The following CDH4 variants were observed in gnomAD, a reference collection of about 807,000 sequenced individuals.
CDH4 encodes cadherin 4.
In CDH4, 33 loss-of-function variants were observed where a neutral mutation model predicts 86.0. That is an observed-to-expected ratio of 0.38 (90% CI 0.29 to 0.51). The LOEUF is 0.51. Ranked by LOEUF, CDH4 falls within the 20% of genes least tolerant of loss-of-function variation. The pLI is 0.86. For synonymous variants in CDH4, 555 were observed against 549.4 expected (o/e 1.01, Z -0.14); for missense variants, 1,114 against 1,307.4 (o/e 0.85, Z 2.28).
At chr20:61,285,168 C>T (rs1228873747) in intron 2 of CDH4, among the ~76,000 whole-genome samples, 1 of 152,194 alleles carries the variant, frequency 6.6e-6, no homozygotes, top group Non-Finnish European at 1.5e-5. Flanking sequence ...GCCTCTTTGG[C>T]CCTCCTAGTG....
chr20:61,479,636 C>G (rs1424333970), intron 2 of CDH4, among the ~76,000 whole-genome samples: 4 of 152,176 alleles, frequency 2.6e-5, no homozygotes, highest in Admixed American at 2.6e-4. Flanking sequence ...AAAAGCTGAT[C>G]ACTGGTTTTA....
intron 3 of CDH4, among the ~76,000 whole-genome samples, chr20:61,769,180 G>A (rs2088742654): frequency 6.6e-6 from 1 of 152,202 alleles, no homozygotes; most frequent in Non-Finnish European, 1.5e-5. Context: ...CTTCTCCAGA[G>A]GTGGATCCCC....
rs374607185 is a variant in CDH4, at chr20:61,732,712, C to T, written c.170-10851C>T. 4.5e-4 allele frequency among the ~76,000 whole-genome samples: 69 copies of T among 152,344 alleles called. 3 individuals are homozygous for T. The highest frequency in any genetic ancestry group is 1.5e-3 in the African/African-American group (64 of 41,586). On this transcript the variant is annotated intron_variant, in intron 2 of 15. Transcript: ENST00000614565. ...CATGGTCCCCCACTAGACAGCTTCCCGGGGGAGGACCTCGGTGTGCACCGC... is the reference window on the plus strand; with the variant it reads ...CATGGTCCCCCACTAGACAGCTTCCTGGGGGAGGACCTCGGTGTGCACCGC...
At chr20:61,466,623 G>T (rs2427120) in intron 2 of CDH4, among the ~76,000 whole-genome samples, 1 of 151,922 alleles carries the variant, frequency 6.6e-6, no homozygotes, top group South Asian at 2.1e-4. Flanking sequence ...GTGGGTGAAT[G>T]ACTTGAGGCC....
At chr20:61,726,046 G>A (rs2088107026) in intron 2 of CDH4, among the ~76,000 whole-genome samples, 1 of 152,082 alleles carries the variant, frequency 6.6e-6, no homozygotes, top group Non-Finnish European at 1.5e-5. Context: ...TGTGATGGGA[G>A]CTTTCAGAGA....
intron 2 of CDH4, among the ~76,000 whole-genome samples, chr20:61,647,625 T>C (rs532944286): frequency 1.1e-4 from 16 of 145,016 alleles, no homozygotes; most frequent in African/African-American, 1.0e-4. Context: ...TTTAGGTACA[T>C]GGGTGGGGAA....
chr20:61,478,238 A>G (rs1249625239), intron 2 of CDH4, among the ~76,000 whole-genome samples: 1 of 152,086 alleles, frequency 6.6e-6, no homozygotes, highest in Non-Finnish European at 1.5e-5. Context: ...CAGGAAGAGG[A>G]GGTGCTAGGA....
chr20:61,733,694 G>GAAGAAAGAAAGAATGAAAGA (rs1163287870), intron 2 of CDH4, among the ~76,000 whole-genome samples: 3 of 151,418 alleles, frequency 2.0e-5, no homozygotes, highest in African/African-American at 7.3e-5. Flanking sequence ...AGAAAGGAAA[G>GAAGAAAGAAAGAATGAAAGA]AAGAAAGAAA....
chr20:61,849,610 G>GA (rs1982622487), intron 5 of CDH4, among the ~76,000 whole-genome samples: 1 of 152,110 alleles, frequency 6.6e-6, no homozygotes, highest in African/African-American at 2.4e-5. Context: ...CTGGGGCTGT[G>GA]GCAGGTCTGG....
Position 61,855,909 on chromosome 20 carries a change from CTG to C in CDH4, c.877+3013_877+3014del, listed in dbSNP as rs545045199. Among the ~76,000 whole-genome samples, 270 of 152,330 alleles carry C rather than the reference CTG, an allele frequency of 1.8e-3. 1 individual carries two copies. Among genetic ancestry groups the C allele is most frequent in the African/African-American group, 6.3e-3 (262 of 41,578 alleles). ...TCAGAGCCCCTGGGGGATCGGGAGT[CTG>C]TCTCTGGTCCCACAACAAGCTGTCT... is the stretch of plus-strand genomic sequence containing the variant. On this transcript the variant is annotated intron_variant, in intron 6 of 15. Coordinates refer to ENST00000614565, the MANE Select transcript of CDH4 (RefSeq NM_001794.5).
chr20:61,927,084 G>A (rs192264339), intron 11 of CDH4, among the ~76,000 whole-genome samples: 11 of 152,290 alleles, frequency 7.2e-5, no homozygotes, highest in Non-Finnish European at 2.9e-5. Flanking sequence ...GCCGCGCTGC[G>A]TCACCTTAAA....
chr20:61,812,947 G>T (rs932139127), intron 4 of CDH4, among the ~76,000 whole-genome samples: 9 of 152,178 alleles, frequency 5.9e-5, no homozygotes, highest in Non-Finnish European at 7.3e-5. Flanking sequence ...ACCAAATGGG[G>T]ACTCTGTGGG....
chr20:61,264,514 G>A (rs6015937), intron 2 of CDH4, among the ~76,000 whole-genome samples: 116,175 of 135,508 alleles, frequency 0.86, 49,515 homozygotes, highest in South Asian at 0.87. Context: ...TCCTTCATTC[G>A]GTCCTACACA....
chr20:61,318,192 C>T (rs543355107), intron 2 of CDH4, among the ~76,000 whole-genome samples: 7 of 152,150 alleles, frequency 4.6e-5, no homozygotes, highest in Non-Finnish European at 1.0e-4. Context: ...GTTAAACTGC[C>T]CGGCTCCTGT....
intron 2 of CDH4, among the ~76,000 whole-genome samples, chr20:61,396,472 C>T (rs545975119): frequency 1.3e-5 from 2 of 152,304 alleles, no homozygotes; most frequent in Non-Finnish European, 2.9e-5. Flanking sequence ...TTGCGTTCTG[C>T]GCATAGACCA....
In CDH4 at chr20:61,743,686, T is replaced by C. The variant is rs1396634435; in HGVS notation, c.293T>C (p.Val98Ala). The change falls in exon 3 of 16, where the codon GTG becomes GCG. Residue 98 changes from valine (V) to alanine (A), a missense_variant. Val to Ala is a moderately conservative substitution (Grantham distance 64). Around this residue, in one of 3 missense-constraint regions of CDH4, gnomAD observed 221 missense variants for 209.5 expected, o/e 1.05. Coordinates refer to ENST00000614565, the MANE Select transcript of CDH4 (RefSeq NM_001794.5). ...TRELQVPSEQ[V>A]AFTVTAWDSQ... ...GAGCTGCAGGTCCCCTCCGAGCAGG[T>C]GGCGTTCACGGTGACTGCATGGGAC... is the stretch of plus-strand genomic sequence containing the variant. The C allele has an allele frequency of 1.2e-6, 2 of 1,607,506 alleles. No homozygotes were observed. The highest frequency in any genetic ancestry group is 1.1e-5 in the South Asian group (1 of 89,568).
At position 61,522,752 on chromosome 20, in the gene CDH4, C is replaced by T. The variant is rs548206848; in HGVS notation, c.170-220811C>T. On this transcript the variant is annotated intron_variant, in intron 2 of 15. Transcript: ENST00000614565. Reference sequence around the variant, plus strand: ...AATGGCCGCGGGCTGTTGTCTTCCGCGGAAAGTTTAATTGACGGCCCGGTG... The same window carrying T: ...AATGGCCGCGGGCTGTTGTCTTCCGTGGAAAGTTTAATTGACGGCCCGGTG... Among the ~76,000 whole-genome samples, 702 of 148,550 alleles carry T rather than the reference C, an allele frequency of 4.7e-3. 3 individuals are homozygous for T. The highest frequency in any genetic ancestry group is 0.014 in the Middle Eastern group (4 of 280).
intron 3 of CDH4, among the ~76,000 whole-genome samples, chr20:61,757,930 G>A (rs958288851): frequency 2.6e-5 from 4 of 152,160 alleles, no homozygotes; most frequent in Non-Finnish European, 5.9e-5. Context: ...CACTGTCTTT[G>A]TTCACTCCAG....
chr20:61,529,102 T>C (rs896535705), intron 2 of CDH4, among the ~76,000 whole-genome samples: 8 of 152,248 alleles, frequency 5.3e-5, no homozygotes, highest in Admixed American at 1.3e-4. Flanking sequence ...ACCATTTTCA[T>C]GGTGAGACAT....
Sources: allele counts gnomAD v4.1 joint callset (sites outside exome capture counted in the v4.1 genomes callset), GRCh38; gene constraint gnomAD v4.1.1; regional missense constraint gnomAD v4.1.1; transcripts MANE v1.5; gene names NCBI Gene and HGNC (gene_info 2026-07-23, HGNC 2026-07-21).